GH2: variants seen among roughly 807,000 people sequenced by gnomAD.
GH2 encodes growth hormone 2, also known as growth hormone variant.
A neutral mutation model predicts 24.1 loss-of-function variants in GH2; 17 were observed. The ratio of observed to expected loss-of-function variants is 0.71; its 90% confidence interval spans 0.48 to 1.06. The LOEUF is 1.06. Ranked by LOEUF, GH2 falls within the 50% of genes least tolerant of loss-of-function variation. The pLI, the probability that GH2 is intolerant of heterozygous loss-of-function variation, is 0.00. For synonymous variants in GH2, 126 were observed against 118.7 expected (o/e 1.06, Z -0.40); for missense variants, 305 against 273.1 (o/e 1.12, Z -0.82).
In GH2 at chr17:63,881,479, G is replaced by A. The variant is rs764617917; in HGVS notation, c.51C>T (p.Cys17=). ...TSLLLAFGLL[C]LSWLQEGSAF... ...CACTGCCCTCTTGAAGCCAGGACAG[G>A]CAGAGCAGGCCAAAAGCCAGGAGCA... The change falls in exon 2 of 5, where the codon TGC becomes TGT. Residue 17 remains cysteine, a synonymous_variant. Transcript: ENST00000423893. 5.0e-6 allele frequency: 8 copies of A among 1,614,020 alleles called. 1 individual carries two copies. In the African/African-American group the frequency reaches 6.7e-5, roughly 13 times the overall value.
At position 63,881,104 on chromosome 17, in the gene GH2, C is replaced by T; in HGVS notation, c.216G>A (p.Gln72=). ...ILKEQKYSFL[Q]NPQTSLCFSE... is the part of the protein sequence containing the mutation. ...AGAAGCAGAGGGAGGTCTGGGGGTT[C>T]TGCAGGAATGAATACTTCTGCTCCT... Residue 72 remains glutamine, a synonymous_variant, in exon 3 of 5, where the codon CAG becomes CAA. Coordinates refer to ENST00000423893, the MANE Select transcript of GH2 (RefSeq NM_002059.5). The T allele has an allele frequency of 6.2e-7, 1 of 1,614,076 alleles. No individual in the cohort carries two copies. The highest frequency in any genetic ancestry group is 8.5e-7 in the Non-Finnish European group (1 of 1,179,936).
At position 63,880,892 on chromosome 17, in the gene GH2, C is replaced by T. The variant is rs2144677456; in HGVS notation, c.336G>A (p.Trp112Ter). The T allele has an allele frequency of 6.2e-7, 1 of 1,614,082 alleles. No homozygotes were observed. Among genetic ancestry groups the T allele is most frequent in the East Asian group, 2.2e-5 (1 of 44,882 alleles). The change falls in exon 4 of 5, where the codon TGG becomes TGA. Residue 112 changes from tryptophan (W) to a stop codon, truncating the protein, a stop_gained. Coordinates refer to ENST00000423893, the MANE Select transcript of GH2 (RefSeq NM_002059.5). LOFTEE classifies it high-confidence loss of function. ...TCCTGAGGAGCTGCACGGGCTCCAG[C>T]CATGACTGGATGAGCAGCAGGGAGA... ...LRISLLLIQS[W>*]LEPVQLLRSV...
rs149061217 is a variant in GH2, at chr17:63,880,765, C to T, written c.456+7G>A. ...CCAGGATTGGGGATCCCTGGTGCCACCCTCACCCACATCAGCGTTTGGATG... is the reference window on the plus strand; with the variant it reads ...CCAGGATTGGGGATCCCTGGTGCCATCCTCACCCACATCAGCGTTTGGATG... On this transcript the variant is annotated splice_region_variant and intron_variant, in intron 4 of 4. Transcript: ENST00000423893. The T allele has an allele frequency of 3.2e-5, 51 of 1,613,976 alleles. 1 individual carries two copies. The highest frequency in any genetic ancestry group is 4.2e-5 in the Non-Finnish European group (50 of 1,179,968).
At position 63,880,458 on chromosome 17, in the gene GH2, C is replaced by A. The variant is rs750329091; in HGVS notation, c.517G>T (p.Asp173Tyr). 1 of 1,613,820 alleles carries A rather than the reference C, an allele frequency of 6.2e-7. No homozygotes were observed. The highest frequency in any genetic ancestry group is 1.1e-5 in the South Asian group (1 of 91,070). ...QIFNQSYSKF[D>Y]TKSHNDDALL... is the part of the protein sequence containing the mutation. ...GCGTCATCGTTGTGCGATTTTGTGT[C>A]AAACTTGCTGTAGGACTGATTGAAG... Residue 173 changes from aspartate (D) to tyrosine (Y), a missense_variant, in exon 5 of 5, where the codon GAC (aspartate) becomes TAC (tyrosine). Transcript: ENST00000423893.
At position 63,880,466 on chromosome 17, in the gene GH2, C is replaced by T; in HGVS notation, c.509G>A (p.Ser170Asn). Reference protein sequence around the residue: ...RTGQIFNQSYSKFDTKSHNDD... With the variant: ...RTGQIFNQSYNKFDTKSHNDD... ...GTTGTGCGATTTTGTGTCAAACTTGCTGTAGGACTGATTGAAGATCTGCCC... is the reference window on the plus strand; with the variant it reads ...GTTGTGCGATTTTGTGTCAAACTTGTTGTAGGACTGATTGAAGATCTGCCC... The change falls in exon 5 of 5, where the codon AGC becomes AAC. Residue 170 changes from serine to asparagine, a missense_variant. By Grantham distance (46) the Ser-to-Asn change is conservative (BLOSUM62 1). Coordinates refer to ENST00000423893, the MANE Select transcript of GH2 (RefSeq NM_002059.5). The T allele has an allele frequency of 1.2e-6, 2 of 1,613,742 alleles. No homozygotes were observed. Among genetic ancestry groups the T allele is most frequent in the South Asian group, 1.1e-5 (1 of 91,064 alleles).
chr17:63,881,605 TC>T (rs1425464722), intron 1 of GH2, 86 bp from the exon 2 acceptor site: 609 of 914,908 alleles, frequency 6.7e-4, no homozygotes, highest in Admixed American at 1.4e-3. Context: ...TTTTTTTTTT[TC>T]TCTCTCTCTC....
intron 4 of GH2, 74 bp downstream of exon 4, chr17:63,880,698 C>A (rs1275815670): frequency 6.2e-7 from 1 of 1,614,072 alleles, no homozygotes; most frequent in East Asian, 2.2e-5. Context: ...AAAAAGAGGG[C>A]AGCAGTGTTT....
chr17:63,880,496 C>A lies in GH2; in HGVS notation c.479G>T (p.Arg160Leu), dbSNP rs373486899. Residue 160 changes from arginine to leucine, a missense_variant, in exon 5 of 5, where the codon CGG (arginine) becomes CTG (leucine). Physicochemically the swap from Arg to Leu is moderately radical, Grantham distance 102. Coordinates refer to ENST00000423893, the MANE Select transcript of GH2 (RefSeq NM_002059.5). ...GGACTGATTGAAGATCTGCCCAGTCCGGGGGCTGCCATCTTCCAGCCTCTG... is the reference window on the plus strand; with the variant it reads ...GGACTGATTGAAGATCTGCCCAGTCAGGGGGCTGCCATCTTCCAGCCTCTG... ...LMWRLEDGSPRTGQIFNQSYS... is the reference protein window; with the variant it reads ...LMWRLEDGSPLTGQIFNQSYS... 1 of 1,613,760 alleles carries A rather than the reference C, an allele frequency of 6.2e-7. No homozygotes were observed. The highest frequency in any genetic ancestry group is 8.5e-7 in the Non-Finnish European group (1 of 1,179,766).
intron 3 of GH2, 45 bp from the exon 4 acceptor site, chr17:63,880,981 G>T (rs1905477450): frequency 6.2e-7 from 1 of 1,614,070 alleles, no homozygotes; most frequent in African/African-American, 1.3e-5. Flanking sequence ...CGGGGGCTCT[G>T]ACCACAGGTC....
At chr17:63,880,550 A>G (rs1326352338) in intron 4 of GH2, 32 bp from the exon 5 acceptor site, 3 of 1,613,804 alleles carry the variant, frequency 1.9e-6, no homozygotes, top group Non-Finnish European at 1.7e-6. Context: ...GGAGAGGCCA[A>G]GCGCTTGGGC....
intron 1 of GH2, 111 bp downstream of exon 1, chr17:63,881,681 A>T (rs1487898201): frequency 4.3e-6 from 7 of 1,609,546 alleles, no homozygotes; most frequent in Non-Finnish European, 5.9e-6. Flanking sequence ...AGATGGCGAT[A>T]CTAACATTCA....
chr17:63,880,242 G>A lies in GH2; in HGVS notation c.*79C>T. On this transcript the variant is annotated 3_prime_UTR_variant, in exon 5 of 5. Coordinates refer to ENST00000423893, the MANE Select transcript of GH2 (RefSeq NM_002059.5). Reference sequence around the variant, plus strand: ...ATGCAACTTAATTTTATTAGGACAAGGCTGGTGGGCACTGGAGTAGCACCT... The same window carrying A: ...ATGCAACTTAATTTTATTAGGACAAAGCTGGTGGGCACTGGAGTAGCACCT... 6.2e-7 allele frequency: 1 copy of A among 1,609,556 alleles called. No individual in the cohort carries two copies. The highest frequency in any genetic ancestry group is 8.5e-7 in the Non-Finnish European group (1 of 1,176,638).
In GH2 at chr17:63,881,157, A is replaced by T. The variant is rs200636256; in HGVS notation, c.172-9T>A. The T allele has an allele frequency of 1.6e-4, 266 of 1,614,088 alleles. No homozygotes were observed. The highest frequency in any genetic ancestry group is 1.0e-5 in the Non-Finnish European group (12 of 1,179,948). On this transcript the variant is annotated splice_polypyrimidine_tract_variant and intron_variant, in intron 2 of 4. Transcript: ENST00000423893. ...AGGATATAGGCTTCTTCCTAGGAGA[A>T]GGACCGCCCACCAAGGTCTATGCTG...
Position 63,880,884 on chromosome 17 carries a change from G to A in GH2, c.344C>T (p.Pro115Leu). 1 of 1,614,088 alleles carries A rather than the reference G, an allele frequency of 6.2e-7. No homozygotes were observed. ...SLLLIQSWLE[P>L]VQLLRSVFAN... ...GAAGACGCTCCTGAGGAGCTGCACG[G>A]GCTCCAGCCATGACTGGATGAGCAG... Residue 115 changes from proline (P) to leucine (L), a missense_variant, in exon 4 of 5, where the codon CCC becomes CTC. Physicochemically the swap from Pro to Leu is moderately conservative, Grantham distance 98 (BLOSUM62 -3). Transcript: ENST00000423893.
At chr17:63,880,976 G>A in intron 3 of GH2, 40 bp from the exon 4 acceptor site, 4 of 1,614,098 alleles carry the variant, frequency 2.5e-6, no homozygotes, top group South Asian at 1.1e-5. Context: ...CTGCCCGGGG[G>A]CTCTGACCAC....
At chr17:63,881,594 G>T (rs1467807878) in intron 1 of GH2, 75 bp from the exon 2 acceptor site, 30 of 1,255,224 alleles carry the variant, frequency 2.4e-5, no homozygotes, top group Admixed American at 6.2e-5. Flanking sequence ...CAGGAGCTGG[G>T]TTTTTTTTTT....
intron 1 of GH2, 84 bp from the exon 2 acceptor site, chr17:63,881,603 T>C: frequency 1.3e-6 from 2 of 1,489,150 alleles, no homozygotes; most frequent in Non-Finnish European, 8.9e-7. Context: ...GGTTTTTTTT[T>C]TTCTCTCTCT....
intron 2 of GH2, 43 bp downstream of exon 2, chr17:63,881,316 C>T (rs1265062125): frequency 1.9e-6 from 3 of 1,613,058 alleles, no homozygotes; most frequent in East Asian, 4.5e-5. Flanking sequence ...AAAGTCACCC[C>T]TTCCTGCCAC....
rs754102811 is a variant in GH2 at position 63,880,908 on chromosome 17, A to C, written c.320T>G (p.Leu107Arg). ...GGGCTCCAGCCATGACTGGATGAGC[A>C]GCAGGGAGATGCGGAGCAGCTCTAG... Reference protein sequence around the residue: ...SNLELLRISLLLIQSWLEPVQ... With the variant: ...SNLELLRISLRLIQSWLEPVQ... The change falls in exon 4 of 5, where the codon CTG (leucine) becomes CGG (arginine). Residue 107 changes from leucine to arginine, a missense_variant. Physicochemically the swap from Leu to Arg is moderately radical, Grantham distance 102. Coordinates refer to ENST00000423893, the MANE Select transcript of GH2 (RefSeq NM_002059.5). 1.6e-5 allele frequency: 26 copies of C among 1,614,100 alleles called. No homozygotes were observed. In the South Asian group the frequency reaches 2.9e-4, roughly 18 times the overall value.
Sources: allele counts gnomAD v4.1 joint callset, GRCh38; gene constraint gnomAD v4.1.1; transcripts MANE v1.5; gene names NCBI Gene and HGNC (gene_info 2026-07-23, HGNC 2026-07-21).